The following NHS variants were observed in gnomAD, a reference collection of about 807,000 sequenced individuals.
The protein encoded by NHS is NHS actin remodeling regulator.
Under a neutral mutation model 72.5 loss-of-function variants are expected in NHS, and 5 were observed. That is an observed-to-expected ratio of 0.07 (90% CI 0.04 to 0.14). NHS has a LOEUF of 0.14. Ranked by LOEUF, NHS falls within the 10% of genes least tolerant of loss-of-function variation. The pLI is 1.00. For missense variants in NHS, 1,072 were observed against 1,355.7 expected (o/e 0.79, Z 3.29); for synonymous variants, 464 against 547.7 (o/e 0.85, Z 2.13).
intron 1 of NHS, among the ~76,000 whole-genome samples, chrX:17,644,073 G>C (rs751724795): frequency 8.9e-6 from 1 of 112,150 alleles, no homozygotes; most frequent in East Asian, 2.8e-4. Flanking sequence ...TCTTTCTGTA[G>C]TTACAAAAAC....
rs748043699 is a variant in NHS, at chrX:17,696,656, G to A, written c.852+4188G>A. Among the ~76,000 whole-genome samples, 17 of 111,985 alleles carry A rather than the reference G, an allele frequency of 1.5e-4. No homozygotes were observed. In the Middle Eastern group the frequency reaches 0.023, roughly 151 times the overall value. ...TTACAGTGCTGATGGCTGGAAAGTAGCCTGTTTGAGGCAATTGAATACATA... is the reference window on the plus strand; with the variant it reads ...TTACAGTGCTGATGGCTGGAAAGTAACCTGTTTGAGGCAATTGAATACATA... On this transcript the variant is annotated intron_variant, in intron 3 of 8. Transcript: ENST00000676302.
chrX:17,445,069 C>T (rs148276059), intron 1 of NHS, among the ~76,000 whole-genome samples: 1 of 111,602 alleles, frequency 9.0e-6, no homozygotes, highest in East Asian at 2.8e-4. Flanking sequence ...TGCTGGGATG[C>T]AGACTTGTAT....
At chrX:17,536,899 A>T (rs543785805) in intron 1 of NHS, among the ~76,000 whole-genome samples, 2 of 112,157 alleles carry the variant, frequency 1.8e-5, no homozygotes, top group South Asian at 3.7e-4. Context: ...CCATGCTACC[A>T]GGCTTTTATG....
intron 1 of NHS, among the ~76,000 whole-genome samples, chrX:17,397,058 A>G (rs1309971732): frequency 8.9e-6 from 1 of 112,978 alleles, no homozygotes; most frequent in Non-Finnish European, 1.9e-5. Flanking sequence ...AGATAAGTTT[A>G]AATGGAAGGT....
chrX:17,384,596 C>T (rs1029689496), intron 1 of NHS, among the ~76,000 whole-genome samples: 6 of 112,144 alleles, frequency 5.4e-5, no homozygotes, highest in Non-Finnish European at 9.4e-5. Flanking sequence ...CTTTTCTACA[C>T]AATGCCATCA....
intron 1 of NHS, among the ~76,000 whole-genome samples, chrX:17,417,208 G>A (rs1327714907): frequency 1.8e-5 from 2 of 110,487 alleles, no homozygotes; most frequent in Non-Finnish European, 3.8e-5. Flanking sequence ...TTTCTGTAAA[G>A]GACCAGATAG....
chrX:17,386,585 C>T (rs2064409720), intron 1 of NHS, among the ~76,000 whole-genome samples: 2 of 106,914 alleles, frequency 1.9e-5, no homozygotes, highest in Admixed American at 1.0e-4. Context: ...TCACTTTGAA[C>T]CCAGGAGGCG....
chrX:17,694,393 G>C (rs1263747710), intron 3 of NHS, among the ~76,000 whole-genome samples: 1 of 112,397 alleles, frequency 8.9e-6, no homozygotes, highest in Non-Finnish European at 1.9e-5. Flanking sequence ...AATGGCTGCA[G>C]GTATAGAGAC....
intron 3 of NHS, among the ~76,000 whole-genome samples, chrX:17,718,877 AAGG>A (rs2066385842): frequency 1.1e-5 from 1 of 94,580 alleles, no homozygotes; most frequent in Admixed American, 1.1e-4. Flanking sequence ...GGAAAGAAGG[AAGG>A]AGGAAGTAAG....
intron 1 of NHS, chrX:17,528,485 C>G (rs770196577): frequency 8.9e-6 from 1 of 112,235 alleles, no homozygotes; most frequent in African/African-American, 3.2e-5. Flanking sequence ...CCTTGAGTTA[C>G]ATGTGAATAA....
At chrX:17,522,678 C>A (rs925669193) in intron 1 of NHS, among the ~76,000 whole-genome samples, 3 of 110,333 alleles carry the variant, frequency 2.7e-5, no homozygotes, top group African/African-American at 6.6e-5. Context: ...CTTGCTGTAG[C>A]AGGGAAGCTT....
intron 1 of NHS, among the ~76,000 whole-genome samples, chrX:17,409,615 GTTGTAAT>G (rs928016096): frequency 9.9e-5 from 11 of 111,589 alleles, no homozygotes; most frequent in African/African-American, 3.6e-4. Context: ...TGCTCTGTTA[GTTGTAAT>G]TGTTCTTGGA....
intron 1 of NHS, among the ~76,000 whole-genome samples, chrX:17,655,168 T>G (rs2065946914): frequency 8.9e-6 from 1 of 111,986 alleles, no homozygotes; most frequent in African/African-American, 3.3e-5. Context: ...CTGTCCACCC[T>G]CTTGCCCGGG....
At chrX:17,428,842 TTCTC>T (rs1218691559) in intron 1 of NHS, among the ~76,000 whole-genome samples, 1 of 111,141 alleles carries the variant, frequency 9.0e-6, no homozygotes, top group African/African-American at 3.3e-5. Flanking sequence ...CTCTCTCTCT[TTCTC>T]TCTCTGTGTG....
At chrX:17,386,079 C>T (rs1367822470) in intron 1 of NHS, among the ~76,000 whole-genome samples, 1 of 112,096 alleles carries the variant, frequency 8.9e-6, no homozygotes, top group Non-Finnish European at 1.9e-5. Flanking sequence ...CATTCTCAAA[C>T]AGTCCTTATC....
intron 1 of NHS, among the ~76,000 whole-genome samples, chrX:17,652,424 A>G (rs2065934935): frequency 8.9e-6 from 1 of 112,601 alleles, no homozygotes; most frequent in South Asian, 3.7e-4. Flanking sequence ...AAAGAATACA[A>G]TCCTATCATT....
chrX:17,614,779 G>A (rs767490122), intron 1 of NHS, among the ~76,000 whole-genome samples: 6 of 111,031 alleles, frequency 5.4e-5, no homozygotes, highest in Non-Finnish European at 1.1e-4. Flanking sequence ...TAACAGCCAA[G>A]TACCACACTA....
intron 1 of NHS, among the ~76,000 whole-genome samples, chrX:17,406,479 A>G (rs2064529875): frequency 9.0e-6 from 1 of 111,456 alleles, no homozygotes; most frequent in Non-Finnish European, 1.9e-5. Flanking sequence ...TGAGCTGTGG[A>G]TCCATGCCTT....
intron 1 of NHS, among the ~76,000 whole-genome samples, chrX:17,432,490 A>G (rs974767396): frequency 2.7e-5 from 3 of 112,783 alleles, no homozygotes; most frequent in African/African-American, 9.7e-5. Context: ...CTTGGGAGCA[A>G]TCCACTCTTC....
Sources: gnomAD v4.1 joint callset for allele counts (sites outside exome capture counted in the v4.1 genomes callset) on GRCh38, gnomAD v4.1.1 for gene constraint, MANE v1.5 for transcripts, NCBI Gene and HGNC (gene_info 2026-07-23, HGNC 2026-07-21) for gene names.